EXOC6B: variants seen among roughly 807,000 people sequenced by gnomAD.
EXOC6B encodes SEC15 homolog B.
A neutral mutation model predicts 113.5 loss-of-function variants in EXOC6B; 54 were observed. That is an observed-to-expected ratio of 0.48 (90% CI 0.38 to 0.60). The LOEUF (loss-of-function observed/expected upper bound fraction) is 0.60. Ranked by LOEUF, EXOC6B falls within the 20% of genes least tolerant of loss-of-function variation. The pLI, the probability that EXOC6B is intolerant of heterozygous loss-of-function variation, is 0.00. For missense variants in EXOC6B, 797 were observed against 977.5 expected (o/e 0.82, Z 2.46); for synonymous variants, 357 against 339.0 (o/e 1.05, Z -0.58).
chr2:72,719,274 CA>C (rs1268368700), intron 5 of EXOC6B, among the ~76,000 whole-genome samples: 1 of 152,054 alleles, frequency 6.6e-6, no homozygotes, highest in Non-Finnish European at 1.5e-5. Context: ...GTAGCAAACT[CA>C]GTAAAAATAA....
At chr2:72,526,496 T>C (rs1269180916) in intron 8 of EXOC6B, among the ~76,000 whole-genome samples, 1 of 152,024 alleles carries the variant, frequency 6.6e-6, no homozygotes, top group African/African-American at 2.4e-5. Context: ...TAAAGACACA[T>C]GGCTTCTCCC....
At chr2:72,680,973 C>T (rs1252453356) in intron 6 of EXOC6B, among the ~76,000 whole-genome samples, 1 of 152,136 alleles carries the variant, frequency 6.6e-6, no homozygotes, top group Non-Finnish European at 1.5e-5. Context: ...ACTGTTCCTC[C>T]TTTAACCTAT....
At chr2:72,535,036 G>C (rs1702203267) in intron 8 of EXOC6B, among the ~76,000 whole-genome samples, 2 of 152,280 alleles carry the variant, frequency 1.3e-5, no homozygotes, top group South Asian at 4.1e-4. Flanking sequence ...AAGAAGGAAT[G>C]TGTTTCCCAT....
At chr2:72,191,482 C>T (rs559082190) in intron 20 of EXOC6B, among the ~76,000 whole-genome samples, 82 of 152,322 alleles carry the variant, frequency 5.4e-4, no homozygotes, top group African/African-American at 1.9e-3. Flanking sequence ...CAAGATGCCA[C>T]AGCTGGTTGT....
chr2:72,364,201 C>T (rs1690477508), intron 19 of EXOC6B, among the ~76,000 whole-genome samples: 1 of 151,448 alleles, frequency 6.6e-6, no homozygotes, highest in Non-Finnish European at 1.5e-5. Context: ...TTTTTATAGA[C>T]CACTGAGCAT....
At chr2:72,268,924 TC>T (rs1267240254) in intron 20 of EXOC6B, among the ~76,000 whole-genome samples, 1 of 152,122 alleles carries the variant, frequency 6.6e-6, no homozygotes, top group Non-Finnish European at 1.5e-5. Flanking sequence ...CAATTAAACC[TC>T]TTTTCTTTAT....
intron 6 of EXOC6B, among the ~76,000 whole-genome samples, chr2:72,659,837 A>C (rs1234754031): frequency 6.6e-6 from 1 of 152,162 alleles, no homozygotes; most frequent in African/African-American, 2.4e-5. Context: ...ACATCAATAA[A>C]TACAATTCTT....
At chr2:72,563,344 C>T (rs1299585197) in intron 7 of EXOC6B, among the ~76,000 whole-genome samples, 1 of 152,100 alleles carries the variant, frequency 6.6e-6, no homozygotes, top group Non-Finnish European at 1.5e-5. Flanking sequence ...GATACCAATA[C>T]ATATGGCTAA....
intron 8 of EXOC6B, among the ~76,000 whole-genome samples, chr2:72,530,556 T>A (rs747669136): frequency 2.0e-5 from 3 of 152,170 alleles, no homozygotes; most frequent in Non-Finnish European, 4.4e-5. Flanking sequence ...ATTCTACTGA[T>A]GTTATGTACA....
chr2:72,409,728 G>GCTGTGGGGT (rs1242264939), intron 18 of EXOC6B, among the ~76,000 whole-genome samples: 1 of 141,286 alleles, frequency 7.1e-6, no homozygotes, highest in Non-Finnish European at 1.5e-5. Flanking sequence ...GGGGTAGGGG[G>GCTGTGGGGT]AGGGGGGAGG....
intron 13 of EXOC6B, among the ~76,000 whole-genome samples, chr2:72,497,883 G>A (rs971206219): frequency 1.3e-5 from 2 of 152,198 alleles, no homozygotes; most frequent in African/African-American, 4.8e-5. Context: ...ATCTGTGAGT[G>A]ATAGATGTGA....
At chr2:72,729,497 G>C (rs1440318032) in intron 5 of EXOC6B, among the ~76,000 whole-genome samples, 2 of 147,602 alleles carry the variant, frequency 1.4e-5, no homozygotes, top group African/African-American at 5.0e-5. Context: ...CACAACCTCT[G>C]CCTCCCAAAT....
intron 6 of EXOC6B, among the ~76,000 whole-genome samples, chr2:72,701,932 TA>T (rs760219987): frequency 1.3e-5 from 2 of 152,002 alleles, no homozygotes; most frequent in African/African-American, 4.8e-5. Context: ...TTTTTTTTTT[TA>T]ATTATACTTT....
intron 20 of EXOC6B, among the ~76,000 whole-genome samples, chr2:72,251,831 A>G (rs1683037085): frequency 6.6e-6 from 1 of 152,196 alleles, no homozygotes; most frequent in Non-Finnish European, 1.5e-5. Context: ...AATGTTTAGC[A>G]TGTGTAAAAC....
chr2:72,434,130 T>C (rs1334596492), intron 18 of EXOC6B, among the ~76,000 whole-genome samples: 1 of 152,238 alleles, frequency 6.6e-6, no homozygotes, highest in Non-Finnish European at 1.5e-5. Flanking sequence ...CTGAATTTTA[T>C]CGAAGGCCTT....
chr2:72,719,210 C>G (rs1679837009), intron 5 of EXOC6B, among the ~76,000 whole-genome samples: 1 of 152,138 alleles, frequency 6.6e-6, no homozygotes, highest in South Asian at 2.1e-4. Flanking sequence ...GAGGGGCTGA[C>G]ACAATTTGGA....
At chr2:72,401,659 ATATATATG>A (rs1451231807) in intron 18 of EXOC6B, among the ~76,000 whole-genome samples, 5 of 76,804 alleles carry the variant, frequency 6.5e-5, no homozygotes, top group African/African-American at 2.7e-4. Context: ...ATATATATAT[ATATATATG>A]TATATATATA....
chr2:72,748,999 T>A (rs1286633649), intron 1 of EXOC6B, among the ~76,000 whole-genome samples: 1 of 152,116 alleles, frequency 6.6e-6, no homozygotes, highest in East Asian at 1.9e-4. Context: ...TCACCAACAG[T>A]AACTGAAGAT....
At chr2:72,256,674 C>T (rs1405487256) in intron 20 of EXOC6B, among the ~76,000 whole-genome samples, 2 of 152,198 alleles carry the variant, frequency 1.3e-5, no homozygotes, top group African/African-American at 4.8e-5. Flanking sequence ...TCTCAGCCCT[C>T]ATCACACTGC....
Sources: gnomAD v4.1 joint callset for allele counts (sites outside exome capture counted in the v4.1 genomes callset) on GRCh38, gnomAD v4.1.1 for gene constraint, MANE v1.5 for transcripts, NCBI Gene and HGNC (gene_info 2026-07-23, HGNC 2026-07-21) for gene names.